The following PDXDC1 variants were observed in gnomAD, a reference collection of about 807,000 sequenced individuals.
PDXDC1 encodes pyridoxal dependent decarboxylase domain containing 1.
Under a neutral mutation model 100.1 loss-of-function variants are expected in PDXDC1, and 42 were observed. The ratio of observed to expected loss-of-function variants is 0.42; its 90% CI spans 0.33 to 0.54. The LOEUF (loss-of-function observed/expected upper bound fraction) is 0.54, where lower values mean the gene tolerates loss of function less well. Among genes scored for constraint, PDXDC1 ranks in the 20% least tolerant of loss-of-function variants. The pLI is 0.10. For synonymous variants in PDXDC1, 260 were observed against 371.7 expected (o/e 0.70, Z 3.46); for missense variants, 636 against 979.2 (o/e 0.65, Z 4.68).
intron 16 of PDXDC1, chr16:15,131,212 C>T: frequency 3.8e-6 from 6 of 1,589,574 alleles, no homozygotes; most frequent in East Asian, 2.2e-5. Flanking sequence ...GCTGCGGTGG[C>T]CCCGGGCAGC....
intron 16 of PDXDC1, among the ~76,000 whole-genome samples, chr16:15,101,525 A>G (rs2046549044): frequency 1.3e-5 from 2 of 151,278 alleles, no homozygotes; most frequent in East Asian, 3.9e-4. Flanking sequence ...TTTAATAGAG[A>G]CGGGGTTTCA....
At chr16:15,138,198 CTTAAA>C (rs2048410348) in intron 16 of PDXDC1, 1 of 341,250 alleles carries the variant, frequency 2.9e-6, no homozygotes, top group Non-Finnish European at 5.3e-6. Context: ...TTACATTTCA[CTTAAA>C]TTAAATAAAT....
At chr16:15,039,981 T>C (rs2043736464), downstream of PDXDC1, 2 of 1,596,654 alleles carry the variant, frequency 1.3e-6, no homozygotes, top group African/African-American at 2.7e-5. Flanking sequence ...GTCCTCCTGC[T>C]AAAGTTCGCG....
intron 4 of PDXDC1, among the ~76,000 whole-genome samples, chr16:15,003,199 A>C (rs1192297376): frequency 6.6e-6 from 1 of 151,718 alleles, no homozygotes; most frequent in Admixed American, 6.6e-5. Flanking sequence ...TTTGATGCAT[A>C]GACCTGAGAT....
At chr16:15,101,632 G>A (rs2046553419) in intron 16 of PDXDC1, among the ~76,000 whole-genome samples, 2 of 149,332 alleles carry the variant, frequency 1.3e-5, no homozygotes, top group Non-Finnish European at 3.0e-5. Context: ...AGAGGCTGAG[G>A]CAGGGGAATC....
chr16:15,001,884 A>G, intron 4 of PDXDC1, 28 bp downstream of exon 4: 1 of 1,573,208 alleles, frequency 6.4e-7, no homozygotes, highest in South Asian at 1.2e-5. Context: ...TTCTCTTTTC[A>G]AGTGTATGTG....
At chr16:15,010,865 A>G (rs1246815808) in intron 8 of PDXDC1, among the ~76,000 whole-genome samples, 2 of 152,296 alleles carry the variant, frequency 1.3e-5, no homozygotes, top group South Asian at 2.1e-4. Context: ...TGAAAAATTT[A>G]TGGATAAATT....
intron 16 of PDXDC1, among the ~76,000 whole-genome samples, chr16:15,072,515 A>G (rs1444324480): frequency 6.6e-6 from 1 of 152,084 alleles, no homozygotes; most frequent in Non-Finnish European, 1.5e-5. Flanking sequence ...TGAGAAGGGA[A>G]CGTGGGCCAG....
intron 6 of PDXDC1, among the ~76,000 whole-genome samples, chr16:15,007,339 T>G (rs1215325394): frequency 1.3e-5 from 2 of 152,160 alleles, no homozygotes; most frequent in African/African-American, 4.8e-5. Context: ...CCCAGATAAT[T>G]TTTTTGTATT....
chr16:14,976,576 T>TA (rs1160429380), intron 1 of PDXDC1, among the ~76,000 whole-genome samples: 1 of 152,284 alleles, frequency 6.6e-6, no homozygotes, highest in Non-Finnish European at 1.5e-5. Context: ...ATTAGCAGGG[T>TA]GTCTACCTTT....
chr16:15,135,555 G>C, intron 16 of PDXDC1: 1 of 1,053,310 alleles, frequency 9.5e-7, no homozygotes, highest in Non-Finnish European at 1.5e-6. Flanking sequence ...CAGGCACTGA[G>C]GACGGGCCAG....
chr16:15,092,418 A>C, intron 16 of PDXDC1: 3 of 778,880 alleles, frequency 3.9e-6, no homozygotes, highest in Non-Finnish European at 6.8e-6. Context: ...TATCTTAATT[A>C]ATCTTGCTAT....
chr16:15,128,325 C>T lies in PDXDC1; in HGVS notation c.1400-10554C>T, dbSNP rs765368601. ...TGCGGTGGAAGGCTCTGTCGCCATC[C>T]AGGTGCCGGTGGCCGCTCCGGCTGT... On this transcript the variant is annotated intron_variant, in intron 16 of 16. Coordinates refer to the PDXDC1 transcript ENST00000535621. 9.3e-6 allele frequency: 15 copies of T among 1,610,106 alleles called. No homozygotes were observed. The East Asian group carries it at 3.1e-4, about 33-fold the overall frequency.
intron 1 of PDXDC1, among the ~76,000 whole-genome samples, chr16:14,991,562 T>C (rs1970846000): frequency 6.6e-6 from 1 of 151,704 alleles, no homozygotes; most frequent in Non-Finnish European, 1.5e-5. Flanking sequence ...GTTGTTGCTC[T>C]GTCACCCAGG....
At chr16:15,148,078 T>C in the PDXDC1 span, among the ~76,000 whole-genome samples, 9 of 151,368 alleles carry the variant, frequency 5.9e-5, no homozygotes, top group Non-Finnish European at 8.8e-5. Flanking sequence ...AGTCTCAACC[T>C]CATAGACTCA....
Position 15,127,566 on chromosome 16 carries a change from C to T in PDXDC1, c.1400-11313C>T, listed in dbSNP as rs1405651895. 6 of 1,304,560 alleles carry T rather than the reference C, an allele frequency of 4.6e-6. No individual in the cohort carries two copies. In the African/African-American group the frequency reaches 8.9e-5, roughly 19 times the overall value. The allele number at this position is 1,304,560 out of a possible 1,614,324, so 80.8% of individuals were successfully genotyped here. A position where few individuals can be genotyped will look rare whatever the true frequency, so the allele number is the denominator to read the frequency against. ...GGCCAACAGCGACTGTGTCGACGCT[C>T]AGCGGGCTCAGCCTGGACACATGCC... On this transcript the variant is annotated intron_variant, in intron 16 of 16. Coordinates refer to the PDXDC1 transcript ENST00000535621.
rs967998950 is a variant in PDXDC1 at position 15,004,443 on chromosome 16, G to C, written c.389+110G>C. ...GGTTCAGATTTCCTTCTCCTTGAAAGGGGTGTTTAACCTCTCAATGCCTGT... is the reference window on the plus strand; with the variant it reads ...GGTTCAGATTTCCTTCTCCTTGAAACGGGTGTTTAACCTCTCAATGCCTGT... On this transcript the variant is annotated intron_variant, in intron 5 of 22. Coordinates refer to ENST00000396410, the MANE Select transcript of PDXDC1 (RefSeq NM_015027.4). The C allele has an allele frequency of 1.3e-5, 17 of 1,298,122 alleles. No homozygotes were observed. The African/African-American group carries it at 2.5e-4, about 19-fold the overall frequency. 80.4% of individuals were successfully genotyped at this position (1,298,122 alleles called of 1,614,324 possible). A position where few individuals can be genotyped will look rare whatever the true frequency, so the allele number is the denominator to read the frequency against.
chr16:15,132,945 G>A (rs1464654140), intron 16 of PDXDC1: 51 of 1,572,750 alleles, frequency 3.2e-5, no homozygotes, highest in African/African-American at 6.7e-5. Flanking sequence ...AGATGCCCAC[G>A]ACTCCCGGGG....
intron 1 of PDXDC1, among the ~76,000 whole-genome samples, chr16:14,977,569 C>T (rs1486786359): frequency 1.3e-5 from 2 of 152,296 alleles, no homozygotes; most frequent in African/African-American, 4.8e-5. Flanking sequence ...TAAGCCACTG[C>T]ACCTGGCCGG....
Sources: allele counts gnomAD v4.1 joint callset (sites outside exome capture counted in the v4.1 genomes callset), GRCh38; gene constraint gnomAD v4.1.1; transcripts MANE v1.5; gene names NCBI Gene and HGNC (gene_info 2026-07-23, HGNC 2026-07-21).